The following TMEM72 variants were observed in gnomAD, a reference collection of about 807,000 sequenced individuals.
TMEM72 encodes the protein kidney-specific secretory protein of 37 kDa.
In TMEM72, 9 loss-of-function variants were observed where a neutral mutation model predicts 16.3. The observed-to-expected ratio is 0.55, with a 90% CI of 0.33 to 0.96. The LOEUF (loss-of-function observed/expected upper bound fraction) is 0.96. Ranked by LOEUF, TMEM72 falls within the 40% of genes least tolerant of loss-of-function variation. The pLI is 0.03. For synonymous variants in TMEM72, 160 were observed against 146.5 expected, an observed-to-expected ratio of 1.09 and a Z score of -0.66; for missense variants, 324 against 337.8, an observed-to-expected ratio of 0.96 and a Z score of 0.32.
chr10:44,914,353 A>T (rs1437557945), intron 1 of TMEM72, among the ~76,000 whole-genome samples: 1 of 152,256 alleles, frequency 6.6e-6, no homozygotes, highest in African/African-American at 2.4e-5. Context: ...TTTCCAGGAC[A>T]TAACAGACCA....
At chr10:44,931,874 G>A in intron 2 of TMEM72, 124 bp from the exon 3 acceptor site, 1 of 944,008 alleles carries the variant, frequency 1.1e-6, no homozygotes, top group Non-Finnish European at 1.6e-6. Flanking sequence ...ATGTTGTCTG[G>A]GGGAATCCAG....
intron 2 of TMEM72, 69 bp from the exon 3 acceptor site, chr10:44,931,929 A>G: frequency 6.6e-7 from 1 of 1,507,468 alleles, no homozygotes; most frequent in South Asian, 1.2e-5. Context: ...GCCACGTGTG[A>G]GAAGACAGCC....
rs141426203 is a variant in TMEM72, at chr10:44,935,064, C to T, written c.758C>T (p.Thr253Met). The T allele has an allele frequency of 1.3e-4, 210 of 1,613,624 alleles. No homozygotes were observed. The highest frequency in any genetic ancestry group is 1.2e-3 in the East Asian group (55 of 44,874). ...DSEPEETTSD[T>M]TPIIPPPQAP... The stretch of plus-strand genomic sequence containing the variant: ...GAGCCAGAGGAGACCACCTCTGACA[C>T]GACACCCATCATTCCCCCTCCCCAG... Residue 253 changes from threonine (T) to methionine (M), a missense_variant, in exon 5 of 5, where the codon ACG becomes ATG. Transcript: ENST00000389583.
intron 1 of TMEM72, among the ~76,000 whole-genome samples, chr10:44,921,102 T>G (rs911563110): frequency 3.3e-5 from 5 of 152,204 alleles, no homozygotes; most frequent in African/African-American, 1.2e-4. Flanking sequence ...AAAGTTCTTG[T>G]ACCAAGGTTG....
At position 44,935,090 on chromosome 10, in the gene TMEM72, G is replaced by A; in HGVS notation, c.784G>A (p.Ala262Thr). 3 of 1,609,966 alleles carry A rather than the reference G, an allele frequency of 1.9e-6. No homozygotes were observed. Among genetic ancestry groups the A allele is most frequent in the Non-Finnish European group, 1.7e-6 (2 of 1,178,082 alleles). Reference protein sequence around the residue: ...DTTPIIPPPQAPLFLSSLTAT... With the variant: ...DTTPIIPPPQTPLFLSSLTAT... ...GACACCCATCATTCCCCCTCCCCAG[G>A]CCCCACTCTTCCTGTCATCTCTTAC... Residue 262 changes from alanine (A) to threonine (T), a missense_variant, in exon 5 of 5, where the codon GCC becomes ACC. By Grantham distance (58) the Ala-to-Thr change is moderately conservative. Coordinates refer to ENST00000389583, the MANE Select transcript of TMEM72 (RefSeq NM_001123376.3).
rs749395455 is a variant in TMEM72 at position 44,934,895 on chromosome 10, A to T, written c.589A>T (p.Ser197Cys). The T allele has an allele frequency of 6.2e-7, 1 of 1,613,450 alleles. No individual in the cohort carries two copies. The highest frequency in any genetic ancestry group is 8.5e-7 in the Non-Finnish European group (1 of 1,179,832). The part of the protein sequence containing the change: ...KSILKGTKKP[S>C]ALQPPNTLME... Reference sequence around the variant, plus strand: ...TATCCTGAAGGGGACTAAGAAGCCCAGTGCCCTCCAGCCCCCCAACACCCT... The same window carrying T: ...TATCCTGAAGGGGACTAAGAAGCCCTGTGCCCTCCAGCCCCCCAACACCCT... The change falls in exon 5 of 5, where the codon AGT becomes TGT. Residue 197 changes from serine to cysteine, a missense_variant. By Grantham distance (112) the Ser-to-Cys change is moderately radical (BLOSUM62 -1). Coordinates refer to ENST00000389583, the MANE Select transcript of TMEM72 (RefSeq NM_001123376.3).
intron 1 of TMEM72, among the ~76,000 whole-genome samples, chr10:44,920,638 A>G (rs897617627): frequency 3.9e-5 from 6 of 152,246 alleles, no homozygotes; most frequent in Non-Finnish European, 8.8e-5. Flanking sequence ...AATGGGAGCA[A>G]AGGATGAGAA....
At chr10:44,912,228 C>T (rs1242918726) in intron 1 of TMEM72, among the ~76,000 whole-genome samples, 1 of 152,156 alleles carries the variant, frequency 6.6e-6, no homozygotes, top group Non-Finnish European at 1.5e-5. Context: ...CCTTCCTTCA[C>T]CCAGCAGAAT....
Position 44,935,290 on chromosome 10 carries a change from C to T in TMEM72, c.*156C>T. On this transcript the variant is annotated 3_prime_UTR_variant, in exon 5 of 5. Transcript: ENST00000389583. ...TGAGGCCATCAGGAGGTGTGACTGG[C>T]CAGCATTTCTGGAGAGGCCTCGAGG... 1.5e-6 allele frequency: 1 copy of T among 685,420 alleles called. No homozygotes were observed. Among genetic ancestry groups the T allele is most frequent in the Non-Finnish European group, 2.3e-6 (1 of 433,222 alleles). 42.5% of individuals were successfully genotyped at this position (685,420 alleles called of 1,614,324 possible).
rs540500601 is a variant in TMEM72, at chr10:44,927,866, C to T, written c.71-55C>T. Reference sequence around the variant, plus strand: ...CACAGCCAAGGTACCCTCAACAGGGCAGTGCTGTGGTGTAGAGCACCAGGC... The same window carrying T: ...CACAGCCAAGGTACCCTCAACAGGGTAGTGCTGTGGTGTAGAGCACCAGGC... On this transcript the variant is annotated intron_variant, in intron 1 of 4. Coordinates refer to ENST00000389583, the MANE Select transcript of TMEM72 (RefSeq NM_001123376.3). 23 of 1,553,832 alleles carry T rather than the reference C, an allele frequency of 1.5e-5. No homozygotes were observed. In the South Asian group the frequency reaches 2.2e-4, roughly 15 times the overall value.
In TMEM72 at chr10:44,911,409, C is replaced by A; in HGVS notation, c.-104C>A. 2 of 1,259,754 alleles carry A rather than the reference C, an allele frequency of 1.6e-6. No individual in the cohort carries two copies. Among genetic ancestry groups the A allele is most frequent in the Non-Finnish European group, 2.2e-6 (2 of 908,024 alleles). 78.0% of individuals were successfully genotyped at this position (1,259,754 alleles called of 1,614,324 possible). A position where few individuals can be genotyped will look rare whatever the true frequency, so the allele number is the denominator to read the frequency against. ...GGGAAGGCAGGGCCCCGGTGTGCAG[C>A]CACAGCCAGCAGCCTCCTACCTACA... On this transcript the variant is annotated 5_prime_UTR_variant, in exon 1 of 5. Coordinates refer to ENST00000389583, the MANE Select transcript of TMEM72 (RefSeq NM_001123376.3).
intron 1 of TMEM72, among the ~76,000 whole-genome samples, chr10:44,915,843 C>G (rs1204122430): frequency 6.6e-6 from 1 of 152,156 alleles, no homozygotes; most frequent in Non-Finnish European, 1.5e-5. Context: ...GTGACCTTCT[C>G]TAGCCAAATC....
At chr10:44,933,057 G>A (rs946436065) in intron 3 of TMEM72, among the ~76,000 whole-genome samples, 2 of 152,262 alleles carry the variant, frequency 1.3e-5, no homozygotes. Context: ...CTTGCCCCCT[G>A]TGAAACATGG....
At position 44,934,853 on chromosome 10, in the gene TMEM72, T is replaced by G; in HGVS notation, c.547T>G (p.Phe183Val). 3.7e-6 allele frequency: 6 copies of G among 1,613,536 alleles called. No individual in the cohort carries two copies. The highest frequency in any genetic ancestry group is 5.1e-6 in the Non-Finnish European group (6 of 1,179,962). ...GALKEGPSSL[F>V]IHMKSILKGT... Reference sequence around the variant, plus strand: ...CCTCAAGGAGGGGCCCAGCTCCCTTTTCATCCACATGAAGAGTATCCTGAA... The same window carrying G: ...CCTCAAGGAGGGGCCCAGCTCCCTTGTCATCCACATGAAGAGTATCCTGAA... Residue 183 changes from phenylalanine to valine, a missense_variant, in exon 5 of 5, where the codon TTC becomes GTC. Phe to Val is a conservative substitution (Grantham distance 50, BLOSUM62 -1). Transcript: ENST00000389583.
chr10:44,929,195 TGTAA>T (rs148700166), intron 2 of TMEM72, among the ~76,000 whole-genome samples: 1,548 of 152,254 alleles, frequency 0.01, 23 homozygotes, highest in African/African-American at 0.036. Flanking sequence ...CAGCTACCTC[TGTAA>T]GTGTGTCCTG....
At chr10:44,931,886 T>G in intron 2 of TMEM72, 112 bp from the exon 3 acceptor site, 1 of 1,040,430 alleles carries the variant, frequency 9.6e-7, no homozygotes, top group Non-Finnish European at 1.4e-6. Context: ...GGAATCCAGG[T>G]GAGTCCATTG....
intron 3 of TMEM72, 67 bp downstream of exon 3, chr10:44,932,136 C>T (rs551546592): frequency 1.1e-3 from 1,664 of 1,535,290 alleles, no homozygotes; most frequent in Non-Finnish European, 1.4e-3. Flanking sequence ...ATGTCTCCAC[C>T]CAAGAGCCCA....
At chr10:44,928,250 CCATT>C (rs1238756791) in intron 2 of TMEM72, among the ~76,000 whole-genome samples, 13 of 151,790 alleles carry the variant, frequency 8.6e-5, no homozygotes, top group Non-Finnish European at 1.3e-4. Context: ...ATCTGCCCAT[CCATT>C]CGTCAGCCCA....
intron 3 of TMEM72, 136 bp from the exon 4 acceptor site, chr10:44,933,501 C>A (rs2132731037): frequency 2.0e-5 from 24 of 1,214,060 alleles, no homozygotes; most frequent in Non-Finnish European, 2.1e-5. Flanking sequence ...ACACCAAGGA[C>A]CGCTAGGGCT....
Sources: gnomAD v4.1 joint callset for allele counts (sites outside exome capture counted in the v4.1 genomes callset) on GRCh38, gnomAD v4.1.1 for gene constraint, MANE v1.5 for transcripts, NCBI Gene and HGNC (gene_info 2026-07-23, HGNC 2026-07-21) for gene names.